Variants in RIN2 observed in about 807,000 individuals in gnomAD.
RIN2 encodes the protein RAB5 interacting protein 2.
RIN2 carries 36 observed loss-of-function variants against 78.0 expected under a neutral mutation model. The ratio of observed to expected loss-of-function variants is 0.46; its 90% CI spans 0.35 to 0.61. The LOEUF is 0.61. Among genes scored for constraint, RIN2 ranks in the 20% least tolerant of loss-of-function variants. The pLI is 0.00. For missense variants in RIN2, 1,087 were observed against 1,159.7 expected (o/e 0.94, Z 0.91); for synonymous variants, 466 against 466.8 (o/e 1.00, Z 0.02).
chr20:19,769,705 T>C (rs1245979324), intron 1 of RIN2, among the ~76,000 whole-genome samples: 6 of 152,220 alleles, frequency 3.9e-5, no homozygotes, highest in Non-Finnish European at 8.8e-5. Flanking sequence ...ATTCTGAGCA[T>C]GCAGCAGCTG....
chr20:19,825,689 G>A (rs2036069267), intron 2 of RIN2, among the ~76,000 whole-genome samples: 1 of 152,170 alleles, frequency 6.6e-6, no homozygotes, highest in Admixed American at 6.5e-5. Flanking sequence ...AAGCCCAAAT[G>A]CTCATCAGGG....
chr20:19,917,604 T>C (rs962962622), intron 3 of RIN2, among the ~76,000 whole-genome samples: 5 of 152,250 alleles, frequency 3.3e-5, no homozygotes, highest in Admixed American at 3.3e-4. Flanking sequence ...TTCGACTATA[T>C]TATGTAAATC....
At chr20:19,952,578 G>T (rs2146214929) in intron 4 of RIN2, among the ~76,000 whole-genome samples, 1 of 152,258 alleles carries the variant, frequency 6.6e-6, no homozygotes, top group African/African-American at 2.4e-5. Flanking sequence ...TTCCTGTCTG[G>T]GCCCTGCTTT....
chr20:19,911,485 C>A (rs2039464154), intron 3 of RIN2, among the ~76,000 whole-genome samples: 3 of 152,206 alleles, frequency 2.0e-5, no homozygotes. Flanking sequence ...TCTAAATCCT[C>A]CTTGTGTATT....
At chr20:19,805,313 C>T (rs557897125) in intron 2 of RIN2, among the ~76,000 whole-genome samples, 2 of 152,318 alleles carry the variant, frequency 1.3e-5, no homozygotes, top group South Asian at 2.1e-4. Flanking sequence ...CTCAATCCCA[C>T]CATCACTGCG....
rs1232094619 is a variant in RIN2, at chr20:19,956,741, C to A, written c.285C>A (p.Pro95=). 18 of 1,608,678 alleles carry A rather than the reference C, an allele frequency of 1.1e-5. No individual in the cohort carries two copies. Among genetic ancestry groups the A allele is most frequent in the Non-Finnish European group, 1.4e-5 (17 of 1,177,760 alleles). ...TGGACCGGCTCCTCCACACCCACCC[C>A]ATATGGCTGCAGCTGAGTCTGAGTG... is the stretch of plus-strand genomic sequence containing the variant. ...SILDRLLHTH[P]IWLQLSLSEE... The change falls in exon 5 of 13, where the codon CCC becomes CCA. Residue 95 remains proline (P), a synonymous_variant. Coordinates refer to ENST00000255006, the MANE Select transcript of RIN2 (RefSeq NM_018993.4).
chr20:19,851,042 G>GAGA (rs1448437121), intron 2 of RIN2, among the ~76,000 whole-genome samples: 1,378 of 74,238 alleles, frequency 0.019, 25 homozygotes, highest in Middle Eastern at 0.063. Flanking sequence ...AGGAAGGAAG[G>GAGA]AAGGAAGGAG....
chr20:19,924,988 C>T (rs1158455370), intron 3 of RIN2, among the ~76,000 whole-genome samples: 1 of 151,432 alleles, frequency 6.6e-6, no homozygotes, highest in African/African-American at 2.4e-5. Flanking sequence ...ATCCACCCGC[C>T]TCGGCCTCCC....
rs73124214 is a variant in RIN2 at position 19,848,898 on chromosome 20, C to A, written c.-36-40668C>A. 4.8e-3 allele frequency among the ~76,000 whole-genome samples: 726 copies of A among 152,298 alleles called. 4 individuals carry two copies. The highest frequency in any genetic ancestry group is 0.017 in the African/African-American group (689 of 41,560). On this transcript the variant is annotated intron_variant, in intron 2 of 12. Transcript: ENST00000255006. ...GATTTCCACTTGGGAGGAAATTCAA[C>A]AGTAGTAAGGATGACTCTTTATTTA...
At chr20:19,888,609 C>T (rs1389348870) in intron 2 of RIN2, among the ~76,000 whole-genome samples, 2 of 152,166 alleles carry the variant, frequency 1.3e-5, no homozygotes, top group African/African-American at 2.4e-5. Flanking sequence ...CCTCTGTGTC[C>T]GTCACGGTTG....
intron 3 of RIN2, among the ~76,000 whole-genome samples, chr20:19,921,857 T>G (rs921573442): frequency 2.6e-5 from 2 of 78,220 alleles, no homozygotes; most frequent in African/African-American, 1.2e-4. Flanking sequence ...CGGTTGTTTG[T>G]TTGTTTGTTT....
intron 1 of RIN2, among the ~76,000 whole-genome samples, chr20:19,765,823 C>G (rs974485810): frequency 6.6e-6 from 1 of 152,066 alleles, no homozygotes; most frequent in Non-Finnish European, 1.5e-5. Flanking sequence ...TCCTCTGGCT[C>G]TCTGCTAGAC....
chr20:19,902,830 A>G (rs1232530160), intron 3 of RIN2, among the ~76,000 whole-genome samples: 24 of 152,226 alleles, frequency 1.6e-4, no homozygotes, highest in Admixed American at 1.6e-3. Context: ...ACGGTGGCTC[A>G]CGCCTGTAAT....
intron 7 of RIN2, among the ~76,000 whole-genome samples, chr20:19,969,157 A>G (rs1054649367): frequency 6.6e-5 from 10 of 152,196 alleles, no homozygotes; most frequent in Non-Finnish European, 4.4e-5. Context: ...CATGGCTCCA[A>G]AATTCTCCAG....
intron 2 of RIN2, among the ~76,000 whole-genome samples, chr20:19,826,179 AAGG>A (rs2036084238): frequency 6.6e-6 from 1 of 152,180 alleles, no homozygotes; most frequent in Non-Finnish European, 1.5e-5. Context: ...TACTCTGTAA[AAGG>A]AGGTGAGTGA....
intron 3 of RIN2, among the ~76,000 whole-genome samples, chr20:19,906,937 A>G (rs960183337): frequency 2.0e-5 from 3 of 152,182 alleles, no homozygotes; most frequent in Non-Finnish European, 1.5e-5. Context: ...TTCTGCCGCT[A>G]AAACAGAATA....
intron 3 of RIN2, among the ~76,000 whole-genome samples, chr20:19,923,468 ATAAAT>A (rs2040014087): frequency 7.9e-6 from 1 of 126,400 alleles, no homozygotes; most frequent in Non-Finnish European, 1.6e-5. Context: ...ATAAAATAAA[ATAAAT>A]AAAATAAAAT....
At chr20:19,948,980 T>TAAA in intron 4 of RIN2, among the ~76,000 whole-genome samples, 1 of 146,872 alleles carries the variant, frequency 6.8e-6, no homozygotes, top group South Asian at 2.1e-4. Flanking sequence ...AATTTTACTT[T>TAAA]AAAAAAAAAA....
chr20:19,969,784 A>C (rs1007506579), intron 7 of RIN2, among the ~76,000 whole-genome samples: 5 of 145,028 alleles, frequency 3.4e-5, no homozygotes, highest in Admixed American at 1.4e-4. Flanking sequence ...ACAAACAAAC[A>C]AACCCTCCTT....
Sources: gnomAD v4.1 joint callset for allele counts (sites outside exome capture counted in the v4.1 genomes callset) on GRCh38, gnomAD v4.1.1 for gene constraint, MANE v1.5 for transcripts, NCBI Gene and HGNC (gene_info 2026-07-23, HGNC 2026-07-21) for gene names.